Variants in KLHL7 observed in about 807,000 individuals in gnomAD.
The protein encoded by KLHL7 is kelch-like protein 7.
A neutral mutation model predicts 67.4 loss-of-function variants in KLHL7; 44 were observed. The observed-to-expected ratio is 0.65, with a 90% CI of 0.51 to 0.84. The LOEUF is 0.84. Among genes scored for constraint, KLHL7 ranks in the 40% least tolerant of loss-of-function variants. The probability of loss-of-function intolerance (pLI) is 0.00; values close to 1 mark genes in which losing one functional copy is unlikely to be tolerated. For synonymous variants in KLHL7, 252 were observed against 243.3 expected, an observed-to-expected ratio of 1.04 and a Z score of -0.33; for missense variants, 362 against 718.1, an observed-to-expected ratio of 0.50 and a Z score of 5.67.
chr7:23,138,899 T>C (rs189570417), intron 4 of KLHL7, among the ~76,000 whole-genome samples: 234 of 152,256 alleles, frequency 1.5e-3, no homozygotes, highest in Non-Finnish European at 2.5e-3. Flanking sequence ...TTTCAAAGAA[T>C]AGATTAATTC....
chr7:23,175,542 A>G lies in KLHL7; in HGVS notation c.*1244A>G. On this transcript the variant is annotated 3_prime_UTR_variant, in exon 11 of 11. Coordinates refer to ENST00000339077, the MANE Select transcript of KLHL7 (RefSeq NM_001031710.3). ...AGGTTATAATAGTCTTAAACCCTAAAAATGTTTAAATCAAAAAGGAATTAG... is the reference window on the plus strand; with the variant it reads ...AGGTTATAATAGTCTTAAACCCTAAGAATGTTTAAATCAAAAAGGAATTAG... 3.1e-6 allele frequency: 1 copy of G among 324,078 alleles called. No individual in the cohort carries two copies. Among genetic ancestry groups the G allele is most frequent in the South Asian group, 2.6e-5 (1 of 37,794 alleles). The allele number at this position is 324,078 out of a possible 1,614,324, so 20.1% of individuals were successfully genotyped here.
chr7:23,145,703 A>G (rs577419433), intron 6 of KLHL7, among the ~76,000 whole-genome samples: 1 of 152,194 alleles, frequency 6.6e-6, no homozygotes, highest in South Asian at 2.1e-4. Flanking sequence ...ATATTTTGCT[A>G]TGCAGACTTT....
Position 23,174,308 on chromosome 7 carries a change from G to T in KLHL7, c.*10G>T. On this transcript the variant is annotated 3_prime_UTR_variant, in exon 11 of 11. Coordinates refer to ENST00000339077, the MANE Select transcript of KLHL7 (RefSeq NM_001031710.3). ...GACCCTTGAAACATGAAAAATGAGTGGACTTCAGACTCATCAGAGACTCTA... is the reference window on the plus strand; with the variant it reads ...GACCCTTGAAACATGAAAAATGAGTTGACTTCAGACTCATCAGAGACTCTA... 6.2e-7 allele frequency: 1 copy of T among 1,613,496 alleles called. No individual in the cohort carries two copies. The highest frequency in any genetic ancestry group is 8.5e-7 in the Non-Finnish European group (1 of 1,179,532).
chr7:23,117,833 G>A, intron 1 of KLHL7: 1 of 1,606,780 alleles, frequency 6.2e-7, no homozygotes, highest in Non-Finnish European at 8.5e-7. Flanking sequence ...TATGTTTTCA[G>A]TGATTTAAAT....
intron 1 of KLHL7, among the ~76,000 whole-genome samples, chr7:23,112,989 C>G (rs772385289): frequency 2.6e-5 from 4 of 151,982 alleles, no homozygotes; most frequent in Non-Finnish European, 5.9e-5. Flanking sequence ...ATATGAGATC[C>G]AAAGCAAATG....
At chr7:23,145,250 T>C (rs1784320178) in intron 6 of KLHL7, among the ~76,000 whole-genome samples, 1 of 151,628 alleles carries the variant, frequency 6.6e-6, no homozygotes, top group Non-Finnish European at 1.5e-5. Context: ...TAATTATCCA[T>C]CTTTGTCTCT....
rs866551924 is a variant in KLHL7 at position 23,166,056 on chromosome 7, A to G, written c.1177+118A>G. 88 of 1,208,860 alleles carry G rather than the reference A, an allele frequency of 7.3e-5. No individual in the cohort carries two copies. In the Middle Eastern group the frequency reaches 8.3e-4, roughly 11 times the overall value. The allele number at this position is 1,208,860 out of a possible 1,614,324, so 74.9% of individuals were successfully genotyped here. A position where few individuals can be genotyped will look rare whatever the true frequency, so the allele number is the denominator to read the frequency against. ...TCCAGATACTTTCTTGGTAATTTAA[A>G]TATGTGTTTGTCACATTTTAGAGCT... On this transcript the variant is annotated intron_variant, in intron 8 of 10. Transcript: ENST00000339077.
intron 1 of KLHL7, among the ~76,000 whole-genome samples, chr7:23,116,431 G>C (rs1031590648): frequency 6.6e-6 from 1 of 152,190 alleles, no homozygotes; most frequent in African/African-American, 2.4e-5. Context: ...GTCAAAATGG[G>C]CTATGTCTCT....
chr7:23,129,850 G>A (rs1027709880), intron 4 of KLHL7: 1 of 155,296 alleles, frequency 6.4e-6, no homozygotes, highest in Non-Finnish European at 1.4e-5. Flanking sequence ...GAGGAGAAAT[G>A]ATTATAACTA....
At chr7:23,114,246 G>A (rs1782996056) in intron 1 of KLHL7, among the ~76,000 whole-genome samples, 1 of 151,672 alleles carries the variant, frequency 6.6e-6, no homozygotes, top group African/African-American at 2.4e-5. Context: ...TTTTTCCCAT[G>A]TAGGACATAC....
At chr7:23,151,113 A>C (rs181064390) in intron 6 of KLHL7, among the ~76,000 whole-genome samples, 3 of 142,766 alleles carry the variant, frequency 2.1e-5, no homozygotes, top group Non-Finnish European at 3.1e-5. Context: ...TCTGGCTCCT[A>C]TGTTTTTGGT....
At chr7:23,164,329 A>G (rs1430709215) in intron 7 of KLHL7, among the ~76,000 whole-genome samples, 2 of 152,234 alleles carry the variant, frequency 1.3e-5, no homozygotes, top group African/African-American at 2.4e-5. Context: ...TCTCTGCTAC[A>G]TAAACCTGAT....
At chr7:23,154,047 G>A (rs1784622196) in intron 7 of KLHL7, among the ~76,000 whole-genome samples, 1 of 152,198 alleles carries the variant, frequency 6.6e-6, no homozygotes, top group Non-Finnish European at 1.5e-5. Flanking sequence ...GGTCATGGCT[G>A]TGTTCCAATA....
At position 23,175,925 on chromosome 7, in the gene KLHL7, C is replaced by T. The variant is rs566208128; in HGVS notation, c.*1627C>T. The T allele has an allele frequency of 7.3e-6, 1 of 136,154 alleles. No individual in the cohort carries two copies. The highest frequency in any genetic ancestry group is 2.8e-5 in the African/African-American group (1 of 35,182). The allele number at this position is 136,154 out of a possible 1,614,324, so 8.4% of individuals were successfully genotyped here. A position where few individuals can be genotyped will look rare whatever the true frequency, so the allele number is the denominator to read the frequency against. On this transcript the variant is annotated 3_prime_UTR_variant, in exon 11 of 11. Transcript: ENST00000339077. ...GCAGTGAGCTGAGATCAAGCCACTG[C>T]ACCCCAGCCTGGGCAACAGAGCAAG...
At chr7:23,130,044 AT>A (rs1783738863) in intron 4 of KLHL7, among the ~76,000 whole-genome samples, 1 of 152,182 alleles carries the variant, frequency 6.6e-6, no homozygotes, top group African/African-American at 2.4e-5. Context: ...TCAGGTACTG[AT>A]TCATCTTTTG....
intron 1 of KLHL7, among the ~76,000 whole-genome samples, chr7:23,121,667 G>C (rs1275076481): frequency 6.9e-6 from 1 of 145,724 alleles, no homozygotes; most frequent in Non-Finnish European, 1.5e-5. Context: ...TTTCACTATA[G>C]GTCAGTCCCA....
chr7:23,156,068 C>G (rs1304444448), intron 7 of KLHL7: 2 of 449,942 alleles, frequency 4.4e-6, no homozygotes, highest in Admixed American at 2.7e-5. Context: ...GTTGTCTTGC[C>G]TTGCTCTTAT....
At chr7:23,128,422 T>TTA (rs1783663650) in intron 4 of KLHL7, among the ~76,000 whole-genome samples, 2 of 116,940 alleles carry the variant, frequency 1.7e-5, no homozygotes, top group South Asian at 3.5e-4. Context: ...TCTTTGGGTT[T>TTA]AAAAAAAAAA....
intron 4 of KLHL7, among the ~76,000 whole-genome samples, chr7:23,131,511 T>C (rs1027826799): frequency 5.9e-5 from 9 of 152,192 alleles, no homozygotes; most frequent in Non-Finnish European, 1.3e-4. Flanking sequence ...TGTTTATTTT[T>C]GTGGGTACAT....
Sources: allele counts gnomAD v4.1 joint callset (sites outside exome capture counted in the v4.1 genomes callset), GRCh38; gene constraint gnomAD v4.1.1; transcripts MANE v1.5; gene names NCBI Gene and HGNC (gene_info 2026-07-23, HGNC 2026-07-21).